The following FRMPD4 variants were observed in gnomAD, a reference collection of about 807,000 sequenced individuals.
The protein encoded by FRMPD4 is FERM and PDZ domain containing 4.
A neutral mutation model predicts 94.1 loss-of-function variants in FRMPD4; 22 were observed. That is an observed-to-expected ratio of 0.23 (90% CI 0.17 to 0.33). The LOEUF is 0.33. Among genes scored for constraint, FRMPD4 ranks in the 10% least tolerant of loss-of-function variants. The probability of loss-of-function intolerance (pLI) is 1.00; values close to 1 mark genes in which losing one functional copy is unlikely to be tolerated. For synonymous variants in FRMPD4, 631 were observed against 548.6 expected (o/e 1.15, Z -2.10); for missense variants, 1,111 against 1,339.9 (o/e 0.83, Z 2.67).
chrX:12,720,328 C>G (rs2042215192), intron 16 of FRMPD4, among the ~76,000 whole-genome samples: 1 of 111,404 alleles, frequency 9.0e-6, no homozygotes, highest in Admixed American at 9.5e-5. Context: ...ATAACAGATT[C>G]CAGTATTTTC....
chrX:12,145,923 T>C (rs1386768944), intron 1 of FRMPD4, among the ~76,000 whole-genome samples: 1 of 112,071 alleles, frequency 8.9e-6, no homozygotes, highest in East Asian at 2.8e-4. Flanking sequence ...GCACTTACAA[T>C]ACCACTTGTA....
intron 14 of FRMPD4, among the ~76,000 whole-genome samples, chrX:12,713,809 C>A (rs1037078978): frequency 1.8e-5 from 2 of 111,844 alleles, no homozygotes; most frequent in African/African-American, 6.5e-5. Flanking sequence ...ATCAGTAGAC[C>A]CTTCTGGAAG....
chrX:12,254,905 A>G (rs1040417511), intron 1 of FRMPD4, among the ~76,000 whole-genome samples: 1 of 110,209 alleles, frequency 9.1e-6, no homozygotes, highest in Non-Finnish European at 1.9e-5. Context: ...CCCTCACTCC[A>G]TACAGCACAG....
chrX:12,206,378 T>G (rs1339835574), intron 1 of FRMPD4, among the ~76,000 whole-genome samples: 1 of 111,695 alleles, frequency 9.0e-6, no homozygotes, highest in African/African-American at 3.3e-5. Context: ...CAAAATAACC[T>G]TCTTACATTT....
intron 1 of FRMPD4, among the ~76,000 whole-genome samples, chrX:12,367,079 G>T (rs148585536): frequency 8.9e-6 from 1 of 112,020 alleles, no homozygotes; most frequent in Non-Finnish European, 1.9e-5. Flanking sequence ...TTCCTGGTCC[G>T]TGGCTTGTAC....
intron 4 of FRMPD4, among the ~76,000 whole-genome samples, chrX:12,644,790 C>T (rs1197902328): frequency 8.9e-6 from 1 of 111,831 alleles, no homozygotes; most frequent in Non-Finnish European, 1.9e-5. Flanking sequence ...GCTGAAAGTA[C>T]CACTCACATT....
At chrX:12,363,891 C>T (rs1231393158) in intron 1 of FRMPD4, among the ~76,000 whole-genome samples, 1 of 111,174 alleles carries the variant, frequency 9.0e-6, no homozygotes, top group African/African-American at 3.3e-5. Context: ...GTGTTAGCAC[C>T]ATGTGGTTAG....
chrX:12,604,117 G>T (rs772503089), intron 2 of FRMPD4, among the ~76,000 whole-genome samples: 1 of 108,437 alleles, frequency 9.2e-6, no homozygotes, highest in Non-Finnish European at 1.9e-5. Context: ...CCTTATTTGG[G>T]TAGAGGAAAA....
At chrX:12,678,406 C>G (rs757052551) in intron 5 of FRMPD4, among the ~76,000 whole-genome samples, 1 of 112,601 alleles carries the variant, frequency 8.9e-6, no homozygotes, top group South Asian at 3.7e-4. Context: ...TTTCCTTGTA[C>G]TGTTACCCTT....
At chrX:12,115,188 T>A (rs1385205252) in intron 3 of FRMPD4, among the ~76,000 whole-genome samples, 1 of 112,037 alleles carries the variant, frequency 8.9e-6, no homozygotes, top group East Asian at 2.8e-4. Flanking sequence ...GGATATGAAG[T>A]TATTCTATTT....
At chrX:12,120,298 CTCT>C (rs1470297893) in intron 3 of FRMPD4, among the ~76,000 whole-genome samples, 1 of 112,454 alleles carries the variant, frequency 8.9e-6, no homozygotes, top group Non-Finnish European at 1.9e-5. Context: ...AATCATCTTT[CTCT>C]TCTTCTCTCC....
intron 1 of FRMPD4, among the ~76,000 whole-genome samples, chrX:12,227,867 A>T (rs1420684261): frequency 9.2e-6 from 1 of 108,963 alleles, no homozygotes. Context: ...GGCTTCTGCT[A>T]CTCCTGATTT....
chrX:12,636,282 A>G (rs2059442680), intron 4 of FRMPD4, among the ~76,000 whole-genome samples: 1 of 111,555 alleles, frequency 9.0e-6, no homozygotes, highest in Admixed American at 9.5e-5. Flanking sequence ...TGTCTTTGAA[A>G]AAATTTATTT....
chrX:12,141,651 AG>A (rs1370572410), intron 1 of FRMPD4, among the ~76,000 whole-genome samples: 6 of 109,527 alleles, frequency 5.5e-5, no homozygotes, highest in Admixed American at 1.0e-4. Flanking sequence ...CATCAGTTAG[AG>A]TTATGACCCT....
At chrX:12,621,942 AAGAG>A (rs1243668508) in intron 4 of FRMPD4, among the ~76,000 whole-genome samples, 13 of 91,719 alleles carry the variant, frequency 1.4e-4, no homozygotes, top group African/African-American at 2.5e-4. Flanking sequence ...GAAAGAAAGA[AAGAG>A]AGAGAGAGAG....
chrX:12,295,741 A>G (rs1160538772), intron 1 of FRMPD4, among the ~76,000 whole-genome samples: 3 of 111,551 alleles, frequency 2.7e-5, no homozygotes, highest in Non-Finnish European at 5.6e-5. Flanking sequence ...CTGTATTCTA[A>G]TTCATTATTT....
intron 2 of FRMPD4, among the ~76,000 whole-genome samples, chrX:12,608,320 A>G (rs949894032): frequency 8.9e-6 from 1 of 112,848 alleles, no homozygotes; most frequent in East Asian, 2.8e-4. Flanking sequence ...GGTAAAATCC[A>G]CAAAATAATA....
chrX:12,497,843 A>G (rs2057868963), intron 1 of FRMPD4, among the ~76,000 whole-genome samples: 1 of 110,874 alleles, frequency 9.0e-6, no homozygotes, highest in African/African-American at 3.3e-5. Flanking sequence ...GGGAATTAAA[A>G]GTCTGAAAGG....
At chrX:12,102,902 T>TG (rs1433612143) in intron 3 of FRMPD4, among the ~76,000 whole-genome samples, 3 of 110,780 alleles carry the variant, frequency 2.7e-5, no homozygotes, top group African/African-American at 9.8e-5. Flanking sequence ...ATCATCATGG[T>TG]GAAAAAAATA....
Sources: gnomAD v4.1 joint callset for allele counts (sites outside exome capture counted in the v4.1 genomes callset) on GRCh38, gnomAD v4.1.1 for gene constraint, MANE v1.5 for transcripts, NCBI Gene and HGNC (gene_info 2026-07-23, HGNC 2026-07-21) for gene names.